EPN2: variants seen among roughly 807,000 people sequenced by gnomAD.
The protein encoded by EPN2 is epsin 2, also known as epsin-2.
EPN2 carries 34 observed loss-of-function variants against 61.7 expected under a neutral mutation model. The observed-to-expected ratio is 0.55, with a 90% CI of 0.42 to 0.73. The LOEUF (loss-of-function observed/expected upper bound fraction) is 0.73, where lower values mean the gene tolerates loss of function less well. EPN2 is among the 30% of genes least tolerant of loss of function. The pLI is 0.00. For synonymous variants in EPN2, 349 were observed against 353.6 expected, an observed-to-expected ratio of 0.99 and a Z score of 0.15; for missense variants, 714 against 839.2, an observed-to-expected ratio of 0.85 and a Z score of 1.84.
chr17:19,332,432 A>G (rs1346898370), intron 10 of EPN2, among the ~76,000 whole-genome samples: 1 of 151,984 alleles, frequency 6.6e-6, no homozygotes, highest in Non-Finnish European at 1.5e-5. Flanking sequence ...GGCGTGTAGC[A>G]TTCCTCTCTC....
chr17:19,257,396 G>A (rs949179601), intron 1 of EPN2, among the ~76,000 whole-genome samples: 11 of 152,148 alleles, frequency 7.2e-5, no homozygotes, highest in Admixed American at 5.9e-4. Context: ...GAGAAAATTC[G>A]GAAAGTATGC....
intron 1 of EPN2, among the ~76,000 whole-genome samples, chr17:19,238,341 A>T (rs1252329449): frequency 6.6e-6 from 1 of 152,080 alleles, no homozygotes; most frequent in African/African-American, 2.4e-5. Context: ...GCGCGTTGGG[A>T]GGCTGGCCTT....
chr17:19,300,270 A>G (rs953627428), intron 4 of EPN2, among the ~76,000 whole-genome samples: 1 of 152,204 alleles, frequency 6.6e-6, no homozygotes, highest in African/African-American at 2.4e-5. Context: ...ATCCCACGCC[A>G]TTAGCCCCCA....
chr17:19,242,224 G>A (rs2044892547), intron 1 of EPN2, among the ~76,000 whole-genome samples: 1 of 151,706 alleles, frequency 6.6e-6, no homozygotes, highest in Non-Finnish European at 1.5e-5. Flanking sequence ...ATCACTTGAG[G>A]CCTAGAGTTT....
intron 1 of EPN2, among the ~76,000 whole-genome samples, chr17:19,275,099 G>A (rs758322316): frequency 3.9e-5 from 6 of 152,116 alleles, no homozygotes; most frequent in Non-Finnish European, 8.8e-5. Context: ...AGGGAGTGCC[G>A]AGCCCTCCTG....
At chr17:19,300,761 G>A (rs529959213) in intron 4 of EPN2, among the ~76,000 whole-genome samples, 6 of 152,234 alleles carry the variant, frequency 3.9e-5, no homozygotes, top group African/African-American at 1.2e-4. Context: ...CCTGGAACTG[G>A]GATTAATCAG....
intron 7 of EPN2, among the ~76,000 whole-genome samples, chr17:19,318,285 G>T (rs6587213): frequency 0.97 from 147,159 of 152,098 alleles, 71,449 homozygotes; most frequent in African/African-American, 0.99. Flanking sequence ...CATGGTGGCT[G>T]ACGCCTGTAA....
intron 1 of EPN2, among the ~76,000 whole-genome samples, chr17:19,243,975 A>G (rs964754610): frequency 2.0e-5 from 3 of 152,188 alleles, no homozygotes; most frequent in Non-Finnish European, 4.4e-5. Context: ...TGCAGTAGGA[A>G]CTCAAAAATG....
chr17:19,282,199 T>G (rs2045365328), intron 2 of EPN2, 122 bp downstream of exon 2: 1 of 152,174 alleles, frequency 6.6e-6, no homozygotes, highest in Non-Finnish European at 1.5e-5. Context: ...ATAACCAGAT[T>G]AGTTTTAAGG....
chr17:19,296,962 C>G (rs1459781168), intron 4 of EPN2: 1 of 152,274 alleles, frequency 6.6e-6, no homozygotes, highest in African/African-American at 2.4e-5. Context: ...CTTTTTCACA[C>G]TGTGAACGCA....
intron 4 of EPN2, chr17:19,306,273 CAT>C (rs1205117189): frequency 6.6e-6 from 1 of 152,288 alleles, no homozygotes; most frequent in Non-Finnish European, 1.5e-5. Flanking sequence ...TGTTCACTGT[CAT>C]GTGCATGGGC....
intron 1 of EPN2, among the ~76,000 whole-genome samples, chr17:19,281,209 A>G (rs1264490534): frequency 6.6e-6 from 1 of 152,152 alleles, no homozygotes; most frequent in Non-Finnish European, 1.5e-5. Context: ...GATAAACCTA[A>G]TCTTCAGTCC....
chr17:19,301,839 A>G (rs1905535577), intron 4 of EPN2, among the ~76,000 whole-genome samples: 2 of 152,298 alleles, frequency 1.3e-5, no homozygotes, highest in East Asian at 3.9e-4. Flanking sequence ...TCTCCTTACT[A>G]GAACACAAGC....
chr17:19,336,230 GTGGC>G lies in EPN2; in HGVS notation c.*1980_*1983del, dbSNP rs2080957960. 1 of 152,430 alleles carries G rather than the reference GTGGC, an allele frequency of 6.6e-6. No individual in the cohort carries two copies. Among genetic ancestry groups the G allele is most frequent in the African/African-American group, 2.4e-5 (1 of 41,586 alleles). 9.4% of individuals were successfully genotyped at this position (152,430 alleles called of 1,614,324 possible). On this transcript the variant is annotated 3_prime_UTR_variant, in exon 11 of 11. Transcript: ENST00000314728. ...CTCCCGCTGCCATTTGGGTAAGCCG[GTGGC>G]TGGTCTCGTCTGCCGGGGGAAGGGT...
intron 4 of EPN2, chr17:19,296,817 C>T (rs1271066048): frequency 2.0e-5 from 3 of 152,526 alleles, no homozygotes; most frequent in African/African-American, 4.8e-5. Flanking sequence ...CTATGTTGGC[C>T]AGGCTGATCT....
intron 7 of EPN2, among the ~76,000 whole-genome samples, chr17:19,319,002 G>T (rs1906519623): frequency 6.6e-6 from 1 of 152,028 alleles, no homozygotes; most frequent in Non-Finnish European, 1.5e-5. Context: ...TTCGAGACCA[G>T]CCTGGCCAAC....
At chr17:19,302,259 G>A (rs535009790) in intron 4 of EPN2, among the ~76,000 whole-genome samples, 51 of 152,312 alleles carry the variant, frequency 3.3e-4, no homozygotes, top group African/African-American at 1.2e-3. Flanking sequence ...CTTCTTGTTC[G>A]TTCCCCACAA....
In EPN2 at chr17:19,283,690, G is replaced by GA. The variant is rs1235054986; in HGVS notation, c.571_572insA (p.Gly191GlufsTer11). ...GGAGCAGGAGTATGGCAAGGCCGGGGGCTCCCCGGCCTCCTACCATGGCTG... is the reference window on the plus strand; with the variant it reads ...GGAGCAGGAGTATGGCAAGGCCGGGGAGCTCCCCGGCCTCCTACCATGGCTG... On this transcript the variant is annotated frameshift_variant, in exon 3 of 11. Transcript: ENST00000314728. LOFTEE classifies it high-confidence loss of function. The surrounding 1 kb of genome is among the most constrained non-coding windows in gnomAD (Gnocchi z 7.0). 6.3e-7 allele frequency: 1 copy of GA among 1,599,584 alleles called. No homozygotes were observed. The highest frequency in any genetic ancestry group is 8.5e-7 in the Non-Finnish European group (1 of 1,172,746).
At chr17:19,304,497 G>C (rs1010352525) in intron 4 of EPN2, among the ~76,000 whole-genome samples, 3 of 152,206 alleles carry the variant, frequency 2.0e-5, no homozygotes, top group African/African-American at 7.2e-5. Flanking sequence ...CGGAGGCCTG[G>C]GAAGGGCCAC....
Sources: allele counts gnomAD v4.1 joint callset (sites outside exome capture counted in the v4.1 genomes callset), GRCh38; gene constraint gnomAD v4.1.1; non-coding constraint Gnocchi (gnomAD v3.1); transcripts MANE v1.5; gene names NCBI Gene and HGNC (gene_info 2026-07-23, HGNC 2026-07-21).